Variants in ADK observed in about 807,000 individuals in gnomAD.
The protein encoded by ADK is N6,N6-dimethyladenosine kinase.
ADK carries 24 observed loss-of-function variants against 44.7 expected under a neutral mutation model. The observed-to-expected ratio is 0.54, with a 90% CI of 0.39 to 0.76. The LOEUF (loss-of-function observed/expected upper bound fraction) is 0.76, where lower values mean the gene tolerates loss of function less well. ADK is among the 30% of genes least tolerant of loss of function. The pLI, the probability that ADK is intolerant of heterozygous loss-of-function variation, is 0.00. For missense variants in ADK, 321 were observed against 425.1 expected (o/e 0.76, Z 2.15); for synonymous variants, 128 against 142.6 (o/e 0.90, Z 0.73).
intron 10 of ADK, among the ~76,000 whole-genome samples, chr10:74,704,592 C>CT (rs1021285320): frequency 1.3e-5 from 2 of 152,118 alleles, no homozygotes; most frequent in African/African-American, 4.8e-5. Context: ...AAGGTCTTAG[C>CT]TTTTTTCAGC....
intron 5 of ADK, among the ~76,000 whole-genome samples, chr10:74,394,629 TG>T (rs2132828550): frequency 6.6e-6 from 1 of 152,296 alleles, no homozygotes; most frequent in African/African-American, 2.4e-5. Context: ...GCTAATTTGT[TG>T]CAAAACTTGA....
intron 4 of ADK, among the ~76,000 whole-genome samples, chr10:74,323,295 T>C (rs1346075277): frequency 6.6e-6 from 1 of 152,220 alleles, no homozygotes; most frequent in Non-Finnish European, 1.5e-5. Flanking sequence ...CATTTGTTAA[T>C]TGGTTGACAA....
Position 74,217,022 on chromosome 10 carries a change from T to C in ADK, c.141-7516T>C, listed in dbSNP as rs1844066919. On this transcript the variant is annotated intron_variant, in intron 2 of 10. Coordinates refer to ENST00000539909, the MANE Select transcript of ADK (RefSeq NM_006721.4). ...GAGAGTGCCAGACAGTGGGCGCAGGTCAGTGCGTGCAGCGCACCGTGCATG... is the reference window on the plus strand; with the variant it reads ...GAGAGTGCCAGACAGTGGGCGCAGGCCAGTGCGTGCAGCGCACCGTGCATG... 2.0e-5 allele frequency among the ~76,000 whole-genome samples: 3 copies of C among 152,208 alleles called. No homozygotes were observed. In the South Asian group the frequency reaches 6.2e-4, roughly 31 times the overall value.
intron 6 of ADK, among the ~76,000 whole-genome samples, chr10:74,409,492 A>G (rs1844087461): frequency 6.6e-6 from 1 of 152,180 alleles, no homozygotes; most frequent in East Asian, 1.9e-4. Flanking sequence ...TTGTGAGAGT[A>G]TGAGACTTGT....
intron 4 of ADK, among the ~76,000 whole-genome samples, chr10:74,381,086 A>G (rs188205726): frequency 4.1e-4 from 62 of 152,332 alleles, no homozygotes; most frequent in African/African-American, 1.4e-3. Flanking sequence ...AAATTGTAAC[A>G]TTCTGATTTT....
intron 2 of ADK, among the ~76,000 whole-genome samples, chr10:74,222,187 A>G (rs1401193234): frequency 6.6e-6 from 1 of 152,180 alleles, no homozygotes; most frequent in African/African-American, 2.4e-5. Context: ...AACCCCATCA[A>G]AAAGTGGGTG....
chr10:74,188,364 T>G (rs1230932478), intron 1 of ADK, among the ~76,000 whole-genome samples: 1 of 149,106 alleles, frequency 6.7e-6, no homozygotes, highest in Non-Finnish European at 1.5e-5. Context: ...TTTTTTTTTT[T>G]TTGAGACGGG....
chr10:74,654,333 G>T (rs190618064), intron 9 of ADK, among the ~76,000 whole-genome samples: 241 of 152,270 alleles, frequency 1.6e-3, no homozygotes, highest in African/African-American at 5.6e-3. Flanking sequence ...TAACTATGAC[G>T]CCTTGGTCCA....
At chr10:74,555,406 T>C (rs1335948378) in intron 7 of ADK, among the ~76,000 whole-genome samples, 2 of 152,154 alleles carry the variant, frequency 1.3e-5, no homozygotes, top group Non-Finnish European at 2.9e-5. Context: ...GCCAGAATTA[T>C]AGATGGAAGT....
intron 3 of ADK, among the ~76,000 whole-genome samples, chr10:74,313,450 C>G (rs1007103104): frequency 1.6e-4 from 24 of 151,966 alleles, no homozygotes; most frequent in Non-Finnish European, 2.6e-4. Context: ...TTTCTAGTTT[C>G]AAAAATTTCC....
At chr10:74,165,158 C>T (rs1446844906) in intron 1 of ADK, among the ~76,000 whole-genome samples, 1 of 152,164 alleles carries the variant, frequency 6.6e-6, no homozygotes, top group Non-Finnish European at 1.5e-5. Flanking sequence ...GTGAAAGCAG[C>T]AGATTTCAGT....
At chr10:74,161,653 T>C (rs936086462) in intron 1 of ADK, among the ~76,000 whole-genome samples, 8 of 152,098 alleles carry the variant, frequency 5.3e-5, no homozygotes, top group African/African-American at 1.4e-4. Context: ...GTGCTGGGAT[T>C]ACAGGTGTGA....
intron 7 of ADK, among the ~76,000 whole-genome samples, chr10:74,537,408 T>A (rs1250930937): frequency 4.6e-5 from 7 of 152,206 alleles, no homozygotes; most frequent in Admixed American, 1.3e-4. Context: ...GTTTGAAATT[T>A]TCCCTTCAGC....
chr10:74,369,477 C>T (rs1454416822), intron 4 of ADK, among the ~76,000 whole-genome samples: 1 of 152,042 alleles, frequency 6.6e-6, no homozygotes, highest in Non-Finnish European at 1.5e-5. Flanking sequence ...TCTCTGCTTT[C>T]GATAAGATGA....
chr10:74,534,476 C>A (rs757713317), intron 7 of ADK, among the ~76,000 whole-genome samples: 1 of 152,066 alleles, frequency 6.6e-6, no homozygotes, highest in African/African-American at 2.4e-5. Flanking sequence ...CAATGTCAAG[C>A]CAGAGGAAGA....
At chr10:74,300,052 C>CTTT (rs772490556) in intron 3 of ADK, among the ~76,000 whole-genome samples, 1 of 140,272 alleles carries the variant, frequency 7.1e-6, no homozygotes, top group Non-Finnish European at 1.6e-5. Context: ...TCTTCGTCTT[C>CTTT]TTTTTTTTTT....
chr10:74,387,365 G>GA (rs1178190433), intron 4 of ADK, among the ~76,000 whole-genome samples: 2 of 152,212 alleles, frequency 1.3e-5, no homozygotes, highest in Non-Finnish European at 2.9e-5. Context: ...ATGGTTACCA[G>GA]TCTGATTCCA....
chr10:74,573,042 C>A (rs866383259), intron 7 of ADK, among the ~76,000 whole-genome samples: 1 of 151,902 alleles, frequency 6.6e-6, no homozygotes, highest in Non-Finnish European at 1.5e-5. Context: ...TCCGTTGCTG[C>A]TGAGGAGCTG....
intron 2 of ADK, among the ~76,000 whole-genome samples, chr10:74,216,514 G>T (rs1157465408): frequency 6.6e-6 from 1 of 151,966 alleles, no homozygotes. Context: ...CACTTGAGGT[G>T]AGGAGTTGGT....
Sources: allele counts gnomAD v4.1 joint callset (sites outside exome capture counted in the v4.1 genomes callset), GRCh38; gene constraint gnomAD v4.1.1; transcripts MANE v1.5; gene names NCBI Gene and HGNC (gene_info 2026-07-23, HGNC 2026-07-21).